POLE2: variants seen among roughly 807,000 people sequenced by gnomAD.
The protein encoded by POLE2 is DNA polymerase epsilon subunit 2.
POLE2 carries 56 observed loss-of-function variants against 79.4 expected under a neutral mutation model. The ratio of observed to expected loss-of-function variants is 0.71; its 90% CI spans 0.57 to 0.88. The LOEUF (loss-of-function observed/expected upper bound fraction) is 0.88, where lower values mean the gene tolerates loss of function less well. Among genes scored for constraint, POLE2 ranks in the 40% least tolerant of loss-of-function variants. The probability of loss-of-function intolerance (pLI) is 0.00; values close to 1 mark genes in which losing one functional copy is unlikely to be tolerated. For synonymous variants in POLE2, 212 were observed against 214.0 expected (o/e 0.99, Z 0.08); for missense variants, 598 against 638.9 (o/e 0.94, Z 0.69).
At chr14:49,644,552 A>G (rs552928827) in intron 18 of POLE2, among the ~76,000 whole-genome samples, 65 of 151,888 alleles carry the variant, frequency 4.3e-4, no homozygotes, top group Middle Eastern at 6.8e-3. Context: ...AAGCACATGT[A>G]TATGTGGGCT....
intron 10 of POLE2, among the ~76,000 whole-genome samples, chr14:49,657,833 G>C (rs1396711956): frequency 6.6e-6 from 1 of 152,158 alleles, no homozygotes; most frequent in Non-Finnish European, 1.5e-5. Flanking sequence ...GGGAAAATTT[G>C]TACTTATATA....
At chr14:49,658,467 T>G (rs1446246332) in intron 10 of POLE2, among the ~76,000 whole-genome samples, 3 of 152,180 alleles carry the variant, frequency 2.0e-5, no homozygotes, top group East Asian at 3.8e-4. Flanking sequence ...GACTCAAAAT[T>G]TTTTGCTGTT....
At chr14:49,678,902 C>A (rs560444278) in intron 3 of POLE2, among the ~76,000 whole-genome samples, 1 of 152,116 alleles carries the variant, frequency 6.6e-6, no homozygotes, top group African/African-American at 2.4e-5. Context: ...AGTGATCCAG[C>A]CACCTTGGCC....
chr14:49,644,371 A>G (rs1238407429), intron 18 of POLE2, among the ~76,000 whole-genome samples: 1 of 151,370 alleles, frequency 6.6e-6, no homozygotes, highest in Non-Finnish European at 1.5e-5. Flanking sequence ...TTAGCCAGGT[A>G]TGGTGACGCA....
rs892076630 is a variant in POLE2 at position 49,680,826 on chromosome 14, T to A, written c.170-1026A>T. Among the ~76,000 whole-genome samples the A allele has an allele frequency of 2.0e-5, 3 of 150,992 alleles. No individual in the cohort carries two copies. The Admixed American group carries it at 2.0e-4, about 10-fold the overall frequency. ...TTTTGTATTTTTAGTAGAGACGGGG[T>A]TTCACTGTGTTAGCCAGGATGGTCT... is the stretch of plus-strand genomic sequence containing the variant. On this transcript the variant is annotated intron_variant, in intron 2 of 18. Coordinates refer to ENST00000216367, the MANE Select transcript of POLE2 (RefSeq NM_002692.4).
intron 10 of POLE2, among the ~76,000 whole-genome samples, chr14:49,658,076 CTT>C (rs745935612): frequency 2.1e-5 from 3 of 144,422 alleles, no homozygotes; most frequent in Admixed American, 6.9e-5. Flanking sequence ...CTCTGGTCAT[CTT>C]TTTTTTTTTT....
intron 15 of POLE2, 64 bp from the exon 16 acceptor site, chr14:49,651,441 A>G (rs1884224323): frequency 1.4e-6 from 1 of 709,536 alleles, no homozygotes; most frequent in Admixed American, 2.7e-5. Flanking sequence ...TTTAAAGGTA[A>G]AATCTCTTAC....
chr14:49,651,476 CT>C (rs1884228096), intron 15 of POLE2, 99 bp from the exon 16 acceptor site: 1 of 546,008 alleles, frequency 1.8e-6, no homozygotes, highest in African/African-American at 1.9e-5. Flanking sequence ...CCCACATTCA[CT>C]GTTCACCACA....
chr14:49,664,668 G>A lies in POLE2; in HGVS notation c.640C>T (p.His214Tyr), dbSNP rs931586213. The A allele has an allele frequency of 7.6e-6, 12 of 1,587,372 alleles. No individual in the cohort carries two copies. The highest frequency in any genetic ancestry group is 6.7e-5 in the East Asian group (3 of 44,658). ...CATGCCTCTGTGTATAAACCACTAT[G>A]GAACTGGTACACAACAGTTGAGGAA... ...VQLDLSKAQFHSGLYTEACFV... is the reference protein window; with the variant it reads ...VQLDLSKAQFYSGLYTEACFV... Residue 214 changes from histidine (H) to tyrosine (Y), a missense_variant, in exon 9 of 19, where the codon CAT becomes TAT. By Grantham distance (83) the His-to-Tyr change is moderately conservative. Transcript: ENST00000216367.
At position 49,654,140 on chromosome 14, in the gene POLE2, C is replaced by G. The variant is rs3212323; in HGVS notation, c.1133+15G>C. 6.9e-6 allele frequency: 11 copies of G among 1,605,614 alleles called. No individual in the cohort carries two copies. Among genetic ancestry groups the G allele is most frequent in the Non-Finnish European group, 7.7e-6 (9 of 1,174,366 alleles). On this transcript the variant is annotated intron_variant, in intron 14 of 18. Transcript: ENST00000216367. ...AAATTTTCTACACTGTTGCAAAAATCTGAACAAAACTTACCTTGGTAAGAT... is the reference window on the plus strand; with the variant it reads ...AAATTTTCTACACTGTTGCAAAAATGTGAACAAAACTTACCTTGGTAAGAT...
At chr14:49,684,865 T>G (rs1887013509) in intron 1 of POLE2, among the ~76,000 whole-genome samples, 1 of 151,832 alleles carries the variant, frequency 6.6e-6, no homozygotes, top group Non-Finnish European at 1.5e-5. Flanking sequence ...TAGTCCCAGC[T>G]ACTTGGGAGG....
intron 10 of POLE2, among the ~76,000 whole-genome samples, chr14:49,657,731 C>T (rs1884798835): frequency 1.3e-5 from 2 of 152,024 alleles, no homozygotes; most frequent in South Asian, 4.1e-4. Context: ...TGAGCCACCA[C>T]GCCCAGCCAG....
chr14:49,687,884 G>C (rs1258462290), intron 1 of POLE2, among the ~76,000 whole-genome samples: 1 of 152,128 alleles, frequency 6.6e-6, no homozygotes, highest in African/African-American at 2.4e-5. Flanking sequence ...ATTTTTAGTA[G>C]AGACGGGGCT....
At chr14:49,685,919 G>A (rs1048070990) in intron 1 of POLE2, among the ~76,000 whole-genome samples, 1 of 152,058 alleles carries the variant, frequency 6.6e-6, no homozygotes, top group African/African-American at 2.4e-5. Flanking sequence ...GAGCCACTGC[G>A]CCCAGCCAAG....
intron 18 of POLE2, 23 bp downstream of exon 18, chr14:49,647,270 G>A: frequency 8.1e-7 from 1 of 1,236,602 alleles, no homozygotes. Context: ...GATCTTTCTT[G>A]CTGTGTCTGT....
chr14:49,682,749 C>T (rs1235213609), intron 2 of POLE2, among the ~76,000 whole-genome samples: 1 of 148,932 alleles, frequency 6.7e-6, no homozygotes, highest in East Asian at 2.0e-4. Flanking sequence ...AGTAGAATTG[C>T]TTTTTATTGA....
At chr14:49,677,266 C>A in intron 3 of POLE2, 1 of 620,026 alleles carries the variant, frequency 1.6e-6, no homozygotes. Context: ...TGAGGCCCAG[C>A]TGCTGCTTCC....
At chr14:49,654,913 G>A (rs1884539018) in intron 12 of POLE2, 75 bp from the exon 13 acceptor site, 1 of 1,393,180 alleles carries the variant, frequency 7.2e-7, no homozygotes, top group South Asian at 1.6e-5. Flanking sequence ...ATACAATCCT[G>A]TATATTCTTA....
At chr14:49,647,437 T>G in intron 17 of POLE2, 77 bp from the exon 18 acceptor site, 1 of 459,356 alleles carries the variant, frequency 2.2e-6, no homozygotes, top group South Asian at 7.0e-5. Context: ...ACAATATGTA[T>G]ATTTTTTATT....
Sources: gnomAD v4.1 joint callset for allele counts (sites outside exome capture counted in the v4.1 genomes callset) on GRCh38, gnomAD v4.1.1 for gene constraint, MANE v1.5 for transcripts, NCBI Gene and HGNC (gene_info 2026-07-23, HGNC 2026-07-21) for gene names.